CPNE2: variants seen among roughly 807,000 people sequenced by gnomAD.
CPNE2 encodes copine-2.
In CPNE2, 42 loss-of-function variants were observed where a neutral mutation model predicts 69.7. The ratio of observed to expected loss-of-function variants is 0.60; its 90% CI spans 0.47 to 0.78. CPNE2 has a LOEUF of 0.78. CPNE2 is among the 30% of genes least tolerant of loss of function. The probability of loss-of-function intolerance (pLI) is 0.00; values close to 1 mark genes in which losing one functional copy is unlikely to be tolerated. For missense variants in CPNE2, 587 were observed against 732.0 expected (o/e 0.80, Z 2.29); for synonymous variants, 294 against 289.8 (o/e 1.01, Z -0.15).
At position 57,110,889 on chromosome 16, in the gene CPNE2, C is replaced by A; in HGVS notation, c.147C>A (p.Val49=). ...CCTCCAAGTCCGACCCCTTCTGTGTCCTCTTTACAGAGAACAATGGCAGAT... is the reference window on the plus strand; with the variant it reads ...CCTCCAAGTCCGACCCCTTCTGTGTACTCTTTACAGAGAACAATGGCAGAT... ...DVTSKSDPFC[V]LFTENNGRWI... Residue 49 remains valine (V), a synonymous_variant, in exon 2 of 16, where the codon GTC becomes GTA. Transcript: ENST00000290776. 1 of 1,613,468 alleles carries A rather than the reference C, an allele frequency of 6.2e-7. No homozygotes were observed. Among genetic ancestry groups the A allele is most frequent in the South Asian group, 1.1e-5 (1 of 91,022 alleles).
chr16:57,130,934 T>G lies in CPNE2; in HGVS notation c.1116+3031T>G, dbSNP rs1199365456. Among the ~76,000 whole-genome samples, 9 of 151,810 alleles carry G rather than the reference T, an allele frequency of 5.9e-5. No individual in the cohort carries two copies. The highest frequency in any genetic ancestry group is 1.2e-4 in the Non-Finnish European group (8 of 67,948). ...CCTGAGGTGTGGTTGTGGGTAGTCC[T>G]GGGGCAGGAGGCGGGGGCTCCTCAT... On this transcript the variant is annotated intron_variant, in intron 12 of 15. Transcript: ENST00000290776. The surrounding 1 kb of genome is among the most constrained non-coding windows in gnomAD (Gnocchi z 4.1).
intron 1 of CPNE2, among the ~76,000 whole-genome samples, chr16:57,108,484 G>C (rs1191436909): frequency 6.6e-6 from 1 of 152,084 alleles, no homozygotes; most frequent in African/African-American, 2.4e-5. Flanking sequence ...CAAAGTATTA[G>C]GGAGTTGGAA....
intron 1 of CPNE2, among the ~76,000 whole-genome samples, chr16:57,102,904 C>T (rs1225106770): frequency 2.0e-5 from 3 of 152,074 alleles, no homozygotes; most frequent in African/African-American, 7.2e-5. Context: ...GCCCGGCCCT[C>T]TCAATCAGTT....
At chr16:57,140,428 T>A (rs1252950062) in intron 14 of CPNE2, among the ~76,000 whole-genome samples, 1 of 152,026 alleles carries the variant, frequency 6.6e-6, no homozygotes, top group Non-Finnish European at 1.5e-5. Flanking sequence ...CGCCTCAGCC[T>A]CCCAAAGTGC....
At position 57,127,891 on chromosome 16, in the gene CPNE2, C is replaced by A. The variant is rs184798068; in HGVS notation, c.1104C>A (p.Pro368=). The A allele has an allele frequency of 9.9e-6, 16 of 1,613,782 alleles. No individual in the cohort carries two copies. Among genetic ancestry groups the A allele is most frequent in the Middle Eastern group, 1.7e-4 (1 of 6,060 alleles). The change falls in exon 12 of 16, where the codon CCC becomes CCA. Residue 368 remains proline, a synonymous_variant. Coordinates refer to ENST00000290776, the MANE Select transcript of CPNE2 (RefSeq NM_152727.6). The part of the protein sequence containing the change: ...FPALGFGAQL[P]PDWKVSHEFA... ...CTCTGGGATTCGGGGCCCAGTTACC[C>A]CCAGACTGGAAGGTGAGTGAAACCG...
Position 57,146,425 on chromosome 16 carries a change from T to A in CPNE2, c.1539+104T>A. Reference sequence around the variant, plus strand: ...GGGGTTGTCTGGCCCAATCCTAGACTTCTCCACTCCATTGACTATGCTCTT... The same window carrying A: ...GGGGTTGTCTGGCCCAATCCTAGACATCTCCACTCCATTGACTATGCTCTT... On this transcript the variant is annotated intron_variant, in intron 15 of 15. Transcript: ENST00000290776. The surrounding 1 kb of genome is among the most constrained non-coding windows in gnomAD (Gnocchi z 4.4). The A allele has an allele frequency of 1.0e-6, 1 of 979,786 alleles. No homozygotes were observed. The highest frequency in any genetic ancestry group is 1.6e-5 in the African/African-American group (1 of 61,670). The allele number at this position is 979,786 out of a possible 1,614,324, so 60.7% of individuals were successfully genotyped here.
At chr16:57,107,029 G>A (rs1489061938) in intron 1 of CPNE2, among the ~76,000 whole-genome samples, 3 of 152,212 alleles carry the variant, frequency 2.0e-5, no homozygotes, top group Non-Finnish European at 2.9e-5. Flanking sequence ...CCTCAAGCAA[G>A]TGACTTTTAC....
intron 13 of CPNE2, among the ~76,000 whole-genome samples, chr16:57,135,489 G>T: frequency 6.6e-6 from 1 of 151,866 alleles, no homozygotes; most frequent in African/African-American, 2.4e-5. Flanking sequence ...GGCAATAGAG[G>T]GAGACCCCAT....
At position 57,114,934 on chromosome 16, in the gene CPNE2, C is replaced by CCAAAAAAA. The variant is rs1555546226; in HGVS notation, c.361-542_361-541insCAAAAAAA. Among the ~76,000 whole-genome samples the CCAAAAAAA allele has an allele frequency of 1.3e-4, 5 of 39,046 alleles. 1 individual carries two copies. Among genetic ancestry groups the CCAAAAAAA allele is most frequent in the African/African-American group, 1.1e-4 (1 of 9,148 alleles). The allele number at this position is 39,046 out of a possible 152,430, so 25.6% of individuals were successfully genotyped here. ...CAACATAATGAGCCCTTGTCTCTAC[C>CCAAAAAAA]AAAAAAAAAAAAAAAAAAAAAAAAA... On this transcript the variant is annotated intron_variant, in intron 3 of 15. Transcript: ENST00000290776.
intron 3 of CPNE2, among the ~76,000 whole-genome samples, chr16:57,114,485 C>A (rs1382113027): frequency 6.6e-6 from 1 of 152,214 alleles, no homozygotes; most frequent in Non-Finnish European, 1.5e-5. Context: ...TCCTGCCCAT[C>A]CCCCCAACTG....
At chr16:57,117,759 G>C (rs1216319182) in intron 5 of CPNE2, among the ~76,000 whole-genome samples, 192 bp downstream of exon 5, 1 of 152,136 alleles carries the variant, frequency 6.6e-6, no homozygotes, top group Non-Finnish European at 1.5e-5. Flanking sequence ...CCATCCCTTA[G>C]GGGTATTCAA....
intron 8 of CPNE2, 48 bp from the exon 9 acceptor site, chr16:57,121,626 T>G (rs2069762677): frequency 2.5e-6 from 4 of 1,574,402 alleles, no homozygotes; most frequent in Non-Finnish European, 3.5e-6. Flanking sequence ...GAGGATCTGT[T>G]TCCAAAGAAG....
intron 5 of CPNE2, among the ~76,000 whole-genome samples, chr16:57,118,142 T>C (rs560092498): frequency 2.7e-5 from 4 of 149,632 alleles, no homozygotes; most frequent in African/African-American, 9.8e-5. Context: ...TCCTTAACAC[T>C]ATTACTGTCT....
chr16:57,113,515 A>G (rs947842275), intron 3 of CPNE2, 48 bp downstream of exon 3: 4 of 1,575,526 alleles, frequency 2.5e-6, no homozygotes, highest in African/African-American at 1.4e-5. Context: ...AGACCGGGCA[A>G]CCCCTCAAAA....
intron 1 of CPNE2, 52 bp from the exon 2 acceptor site, chr16:57,110,656 G>T: frequency 8.3e-7 from 1 of 1,200,948 alleles, no homozygotes; most frequent in Non-Finnish European, 1.1e-6. Context: ...CTATGGTGGG[G>T]CAGCATAGCA....
rs1221205048 is a variant in CPNE2, at chr16:57,130,481, C to G, written c.1116+2578C>G. 6.6e-6 allele frequency among the ~76,000 whole-genome samples: 1 copy of G among 151,958 alleles called. No individual in the cohort carries two copies. Among genetic ancestry groups the G allele is most frequent in the African/African-American group, 2.4e-5 (1 of 41,356 alleles). On this transcript the variant is annotated intron_variant, in intron 12 of 15. Coordinates refer to ENST00000290776, the MANE Select transcript of CPNE2 (RefSeq NM_152727.6). The surrounding 1 kb of genome is among the most constrained non-coding windows in gnomAD (Gnocchi z 4.1). Reference sequence around the variant, plus strand: ...AGGGAGGAAGTGAAGGAGGGAGGGGCAGAAAGCAAACCCATAAGTAGCAGC... The same window carrying G: ...AGGGAGGAAGTGAAGGAGGGAGGGGGAGAAAGCAAACCCATAAGTAGCAGC...
intron 3 of CPNE2, 95 bp from the exon 4 acceptor site, chr16:57,115,381 C>T: frequency 9.7e-7 from 1 of 1,026,138 alleles, no homozygotes; most frequent in Non-Finnish European, 1.5e-6. Flanking sequence ...GGGTGCAGCC[C>T]TGCCAAGAGG....
At chr16:57,135,162 G>T (rs1228195738) in intron 13 of CPNE2, among the ~76,000 whole-genome samples, 1 of 152,168 alleles carries the variant, frequency 6.6e-6, no homozygotes, top group African/African-American at 2.4e-5. Context: ...CTGACAGGAA[G>T]TCCTGTGTAA....
intron 2 of CPNE2, chr16:57,113,054 G>A (rs544896851): frequency 2.6e-5 from 12 of 460,640 alleles, no homozygotes; most frequent in African/African-American, 1.0e-4. Flanking sequence ...GTCAGACCTC[G>A]GTTTCAAATC....
Sources: allele counts gnomAD v4.1 joint callset (sites outside exome capture counted in the v4.1 genomes callset), GRCh38; gene constraint gnomAD v4.1.1; non-coding constraint Gnocchi (gnomAD v3.1); transcripts MANE v1.5; gene names NCBI Gene and HGNC (gene_info 2026-07-23, HGNC 2026-07-21).